The following MDGA2 variants were observed in gnomAD, a reference collection of about 807,000 sequenced individuals.
MDGA2 encodes MAM domain-containing glycosylphosphatidylinositol anchor protein 2.
Under a neutral mutation model 117.8 loss-of-function variants are expected in MDGA2, and 40 were observed. The observed-to-expected ratio is 0.34, with a 90% confidence interval of 0.26 to 0.44. MDGA2 has a LOEUF of 0.44. Ranked by LOEUF, MDGA2 falls within the 20% of genes least tolerant of loss-of-function variation. The probability of loss-of-function intolerance (pLI) is 1.00; values close to 1 mark genes in which losing one functional copy is unlikely to be tolerated. For missense variants in MDGA2, 1,123 were observed against 1,250.6 expected (o/e 0.90, Z 1.54); for synonymous variants, 452 against 439.0 (o/e 1.03, Z -0.37).
intron 2 of MDGA2, among the ~76,000 whole-genome samples, chr14:47,227,775 T>G (rs1886558995): frequency 6.6e-6 from 1 of 152,188 alleles, no homozygotes. Flanking sequence ...ATGAGTTTAG[T>G]CTATTTTGGT....
chr14:47,543,271 T>C (rs139827641), intron 1 of MDGA2, among the ~76,000 whole-genome samples: 74 of 152,126 alleles, frequency 4.9e-4, no homozygotes, highest in African/African-American at 1.6e-3. Flanking sequence ...TATAGAGTAA[T>C]GCACGCACTC....
At chr14:47,104,525 C>T (rs2139019451) in intron 5 of MDGA2, among the ~76,000 whole-genome samples, 1 of 148,094 alleles carries the variant, frequency 6.8e-6, no homozygotes, top group East Asian at 2.0e-4. Context: ...TGTAATTTTC[C>T]TTTACCTACC....
intron 3 of MDGA2, among the ~76,000 whole-genome samples, chr14:47,187,516 T>A (rs1193185702): frequency 6.6e-6 from 1 of 152,092 alleles, no homozygotes; most frequent in African/African-American, 2.4e-5. Context: ...TTCTTCAATT[T>A]AATGCTTGTG....
At chr14:47,172,918 G>A (rs1884230309) in intron 3 of MDGA2, among the ~76,000 whole-genome samples, 1 of 152,102 alleles carries the variant, frequency 6.6e-6, no homozygotes, top group Admixed American at 6.5e-5. Context: ...TTAGACGAAT[G>A]GATAACTAGA....
At chr14:47,089,524 A>T (rs2148511) in intron 6 of MDGA2, among the ~76,000 whole-genome samples, 25,396 of 151,916 alleles carry the variant, frequency 0.17, 2,446 homozygotes, top group East Asian at 0.31. Flanking sequence ...TATAGGTGCG[A>T]GCTGCCACAC....
chr14:47,032,567 G>A (rs1199672920), intron 8 of MDGA2, among the ~76,000 whole-genome samples: 2 of 152,166 alleles, frequency 1.3e-5, no homozygotes, highest in African/African-American at 2.4e-5. Flanking sequence ...AGTTCAGCCC[G>A]GGCAACAGAG....
At chr14:47,294,530 T>C (rs1888998216) in intron 2 of MDGA2, among the ~76,000 whole-genome samples, 1 of 152,080 alleles carries the variant, frequency 6.6e-6, no homozygotes, top group Non-Finnish European at 1.5e-5. Flanking sequence ...GCAGACAGAT[T>C]CAGTCTAGAT....
chr14:47,043,453 A>T (rs1016015398), intron 7 of MDGA2, among the ~76,000 whole-genome samples: 13 of 152,092 alleles, frequency 8.5e-5, no homozygotes, highest in African/African-American at 2.7e-4. Flanking sequence ...TCCCTGAGCC[A>T]TAGGTTGATA....
In MDGA2 at chr14:46,936,612, G is replaced by A. The variant is rs370533929; in HGVS notation, c.2090-16452C>T. On this transcript the variant is annotated intron_variant, in intron 9 of 16. Coordinates refer to ENST00000399232, the MANE Select transcript of MDGA2 (RefSeq NM_001113498.3). Reference sequence around the variant, plus strand: ...GATACTGAAGGACTTTTCTCTTCCCGTCATATACTGTGGTATGGATAGCTT... The same window carrying A: ...GATACTGAAGGACTTTTCTCTTCCCATCATATACTGTGGTATGGATAGCTT... Among the ~76,000 whole-genome samples the A allele has an allele frequency of 9.9e-5, 15 of 151,616 alleles. 1 individual carries two copies. The highest frequency in any genetic ancestry group is 2.7e-4 in the African/African-American group (11 of 41,266).
At chr14:46,986,144 A>G (rs1281639210) in intron 8 of MDGA2, among the ~76,000 whole-genome samples, 2 of 150,992 alleles carry the variant, frequency 1.3e-5, no homozygotes, top group Admixed American at 6.6e-5. Context: ...CTCACAGACC[A>G]CTGTTTTTTT....
chr14:47,273,262 G>A (rs1034010176), intron 2 of MDGA2, among the ~76,000 whole-genome samples: 4 of 152,006 alleles, frequency 2.6e-5, no homozygotes, highest in East Asian at 3.9e-4. Flanking sequence ...TTCAAAATTC[G>A]TGTCAAATTA....
chr14:46,979,667 C>A (rs1025499621), intron 8 of MDGA2, among the ~76,000 whole-genome samples: 1 of 152,154 alleles, frequency 6.6e-6, no homozygotes, highest in African/African-American at 2.4e-5. Context: ...TTAACCCAAA[C>A]CCTAATTTAC....
chr14:47,219,977 T>G lies in MDGA2; in HGVS notation c.421-1782A>C, dbSNP rs76443481. ...TTTAAATTCTTATTTATACTTAATT[T>G]ACTTTACCAGAAGCAAATATTGTTT... On this transcript the variant is annotated intron_variant, in intron 2 of 16. Coordinates refer to ENST00000399232, the MANE Select transcript of MDGA2 (RefSeq NM_001113498.3). Among the ~76,000 whole-genome samples, 71 of 152,230 alleles carry G rather than the reference T, an allele frequency of 4.7e-4. No homozygotes were observed. In the East Asian group the frequency reaches 0.01, roughly 21 times the overall value.
chr14:47,174,510 A>C (rs955076789), intron 3 of MDGA2, among the ~76,000 whole-genome samples: 11 of 152,196 alleles, frequency 7.2e-5, no homozygotes, highest in Admixed American at 5.9e-4. Context: ...AAAACCGCTC[A>C]ACAACATGGA....
intron 1 of MDGA2, among the ~76,000 whole-genome samples, chr14:47,307,446 C>T (rs534419424): frequency 5.9e-5 from 9 of 152,106 alleles, no homozygotes; most frequent in Middle Eastern, 3.4e-3. Context: ...TTTGGGAGTC[C>T]GAGGCAGGCA....
intron 10 of MDGA2, among the ~76,000 whole-genome samples, chr14:46,894,728 CT>C (rs1257400930): frequency 6.6e-6 from 1 of 152,100 alleles, no homozygotes; most frequent in African/African-American, 2.4e-5. Context: ...ACATATCCCC[CT>C]ACCATGTATT....
intron 1 of MDGA2, among the ~76,000 whole-genome samples, chr14:47,594,058 C>T (rs1366058135): frequency 6.6e-6 from 1 of 152,024 alleles, no homozygotes; most frequent in East Asian, 1.9e-4. Flanking sequence ...CAGGATAAAA[C>T]TTACAATTTT....
At chr14:47,264,987 G>C (rs1429046535) in intron 2 of MDGA2, among the ~76,000 whole-genome samples, 3 of 152,050 alleles carry the variant, frequency 2.0e-5, no homozygotes, top group African/African-American at 7.2e-5. Flanking sequence ...AGGTACCTAT[G>C]TTCAGTGTTA....
At chr14:47,440,498 G>A (rs1383943931) in intron 1 of MDGA2, among the ~76,000 whole-genome samples, 2 of 152,074 alleles carry the variant, frequency 1.3e-5, no homozygotes, top group Admixed American at 6.6e-5. Flanking sequence ...TAAGTCATAC[G>A]TAATTGTTAA....
Sources: gnomAD v4.1 joint callset for allele counts (sites outside exome capture counted in the v4.1 genomes callset) on GRCh38, gnomAD v4.1.1 for gene constraint, MANE v1.5 for transcripts, NCBI Gene and HGNC (gene_info 2026-07-23, HGNC 2026-07-21) for gene names.